The following SPIDR variants were observed in gnomAD, a reference collection of about 807,000 sequenced individuals.
SPIDR encodes the protein scaffold protein involved in DNA repair.
SPIDR carries 93 observed loss-of-function variants against 104.6 expected under a neutral mutation model. The ratio of observed to expected loss-of-function variants is 0.89; its 90% CI spans 0.75 to 1.06. The LOEUF (loss-of-function observed/expected upper bound fraction) is 1.06, where lower values mean the gene tolerates loss of function less well. Ranked by LOEUF, SPIDR falls within the 50% of genes least tolerant of loss-of-function variation. The probability of loss-of-function intolerance (pLI) is 0.00; values close to 1 mark genes in which losing one functional copy is unlikely to be tolerated. For missense variants in SPIDR, 1,154 were observed against 1,111.2 expected (o/e 1.04, Z -0.55); for synonymous variants, 431 against 416.9 (o/e 1.03, Z -0.41).
At chr8:47,330,871 G>A (rs190988213) in intron 5 of SPIDR, 4,811 of 454,006 alleles carry the variant, frequency 0.011, 41 homozygotes, top group Non-Finnish European at 0.015. Context: ...TAGATACCAA[G>A]CAGAGCAACT....
intron 5 of SPIDR, among the ~76,000 whole-genome samples, chr8:47,325,941 A>G (rs1430560027): frequency 1.3e-5 from 2 of 152,172 alleles, no homozygotes; most frequent in Non-Finnish European, 2.9e-5. Flanking sequence ...TGGCAACTTG[A>G]CTGTCCTTTC....
intron 7 of SPIDR, among the ~76,000 whole-genome samples, chr8:47,436,304 C>T (rs1407860968): frequency 6.6e-6 from 1 of 152,216 alleles, no homozygotes; most frequent in Non-Finnish European, 1.5e-5. Flanking sequence ...GATATTTTGG[C>T]TGTCTTGTAG....
At chr8:47,338,782 G>A (rs557992994) in intron 5 of SPIDR, among the ~76,000 whole-genome samples, 1 of 152,168 alleles carries the variant, frequency 6.6e-6, no homozygotes, top group South Asian at 2.1e-4. Context: ...TACATAAAGA[G>A]GCCTCACAAA....
At chr8:47,419,743 C>G (rs1474563064) in intron 7 of SPIDR, among the ~76,000 whole-genome samples, 1 of 152,038 alleles carries the variant, frequency 6.6e-6, no homozygotes. Context: ...CCTGCTTTCT[C>G]TTGTGGGCAT....
intron 5 of SPIDR, among the ~76,000 whole-genome samples, chr8:47,373,233 A>G (rs2058253416): frequency 6.6e-6 from 1 of 152,228 alleles, no homozygotes; most frequent in African/African-American, 2.4e-5. Context: ...TTTGTTAAAA[A>G]TTCCATAGAC....
intron 8 of SPIDR, chr8:47,511,487 C>A (rs2082313979): frequency 2.6e-6 from 2 of 777,006 alleles, no homozygotes; most frequent in Admixed American, 3.4e-5. Context: ...CACAGCTCTG[C>A]TGGCACCTCC....
chr8:47,429,235 AC>A (rs1445579157), intron 7 of SPIDR, among the ~76,000 whole-genome samples: 2 of 152,168 alleles, frequency 1.3e-5, no homozygotes, highest in Non-Finnish European at 2.9e-5. Context: ...TAATGGTGGG[AC>A]CTAGAAATAG....
chr8:47,271,180 C>T (rs1017786027), intron 1 of SPIDR, among the ~76,000 whole-genome samples: 1 of 152,114 alleles, frequency 6.6e-6, no homozygotes, highest in Non-Finnish European at 1.5e-5. Flanking sequence ...CACCAGTTGA[C>T]ATGGTATGTT....
intron 5 of SPIDR, among the ~76,000 whole-genome samples, chr8:47,390,091 A>G (rs782658824): frequency 6.6e-6 from 1 of 152,144 alleles, no homozygotes; most frequent in Non-Finnish European, 1.5e-5. Flanking sequence ...TTTCACACCC[A>G]TCAGATATGT....
In SPIDR at chr8:47,419,492, A is replaced by C. The variant is rs373571467; in HGVS notation, c.877+11531A>C. ...CCCTTTATCAATTTTTATTGCGTCT[A>C]TTTGATTCTTCTCTCTTTTCTTCTT... is the stretch of plus-strand genomic sequence containing the variant. On this transcript the variant is annotated intron_variant, in intron 7 of 19. Coordinates refer to ENST00000297423, the MANE Select transcript of SPIDR (RefSeq NM_001080394.4). Among the ~76,000 whole-genome samples, 14 of 152,116 alleles carry C rather than the reference A, an allele frequency of 9.2e-5. No homozygotes were observed. In the East Asian group the frequency reaches 2.1e-3, roughly 23 times the overall value.
At chr8:47,631,307 T>G (rs937758526) in intron 10 of SPIDR, among the ~76,000 whole-genome samples, 3 of 152,184 alleles carry the variant, frequency 2.0e-5, no homozygotes, top group African/African-American at 7.2e-5. Flanking sequence ...GTTGAAGACT[T>G]TGCATTCTCT....
intron 5 of SPIDR, among the ~76,000 whole-genome samples, chr8:47,365,232 C>T (rs2056962728): frequency 6.6e-6 from 1 of 152,228 alleles, no homozygotes; most frequent in South Asian, 2.1e-4. Context: ...CCACCTTCCA[C>T]ATTCACGTGG....
At chr8:47,659,068 G>T (rs2073543228) in intron 10 of SPIDR, among the ~76,000 whole-genome samples, 2 of 152,108 alleles carry the variant, frequency 1.3e-5, no homozygotes, top group African/African-American at 4.8e-5. Flanking sequence ...GACCAGCCTG[G>T]GCAACATGGC....
chr8:47,385,891 G>A (rs1305000578), intron 5 of SPIDR, among the ~76,000 whole-genome samples: 1 of 152,070 alleles, frequency 6.6e-6, no homozygotes, highest in African/African-American at 2.4e-5. Flanking sequence ...AAATTTTTAT[G>A]TGGTCTGTCA....
chr8:47,712,890 C>T lies in SPIDR; in HGVS notation c.2188+18C>T, dbSNP rs1271934774. On this transcript the variant is annotated intron_variant, in intron 15 of 19. Coordinates refer to ENST00000297423, the MANE Select transcript of SPIDR (RefSeq NM_001080394.4). ...TGACCAGGGTGTGCTTGCGTCTCCA[C>T]AGCTTTGATGCAGGGGCGACTGATC... 4 of 1,613,526 alleles carry T rather than the reference C, an allele frequency of 2.5e-6. No individual in the cohort carries two copies. The highest frequency in any genetic ancestry group is 3.4e-6 in the Non-Finnish European group (4 of 1,180,016).
chr8:47,500,019 C>T (rs2080124895), intron 8 of SPIDR, among the ~76,000 whole-genome samples: 1 of 152,182 alleles, frequency 6.6e-6, no homozygotes, highest in Non-Finnish European at 1.5e-5. Context: ...ATATGTGCCA[C>T]ATTTTCTTAA....
chr8:47,478,442 A>G (rs1554724903), intron 8 of SPIDR, among the ~76,000 whole-genome samples: 2 of 152,176 alleles, frequency 1.3e-5, no homozygotes, highest in Non-Finnish European at 1.5e-5. Flanking sequence ...AGAAGCAGGA[A>G]GGACAGACCT....
chr8:47,345,758 T>G (rs1423756534), intron 5 of SPIDR, among the ~76,000 whole-genome samples: 1 of 149,894 alleles, frequency 6.7e-6, no homozygotes, highest in African/African-American at 2.5e-5. Context: ...GATTTGGCTG[T>G]CTGTTTGTCT....
At chr8:47,296,439 G>C (rs2040852796) in intron 5 of SPIDR, among the ~76,000 whole-genome samples, 1 of 152,234 alleles carries the variant, frequency 6.6e-6, no homozygotes, top group East Asian at 1.9e-4. Context: ...GTTGATTTTG[G>C]TGTATGGTGT....
Sources: allele counts gnomAD v4.1 joint callset (sites outside exome capture counted in the v4.1 genomes callset), GRCh38; gene constraint gnomAD v4.1.1; transcripts MANE v1.5; gene names NCBI Gene and HGNC (gene_info 2026-07-23, HGNC 2026-07-21).